VWA3A: variants seen among roughly 807,000 people sequenced by gnomAD.
VWA3A encodes the protein von Willebrand factor A domain-containing protein 3A.
VWA3A carries 134 observed loss-of-function variants against 160.4 expected under a neutral mutation model. The observed-to-expected ratio is 0.84, with a 90% CI of 0.73 to 0.96. The LOEUF (loss-of-function observed/expected upper bound fraction) is 0.96, where lower values mean the gene tolerates loss of function less well. Among genes scored for constraint, VWA3A ranks in the 40% least tolerant of loss-of-function variants. VWA3A has a pLI of 0.00. For synonymous variants in VWA3A, 476 were observed against 543.4 expected (o/e 0.88, Z 1.72); for missense variants, 1,310 against 1,447.9 (o/e 0.90, Z 1.55).
chr16:22,101,066 G>A (rs2045401655), intron 5 of VWA3A, among the ~76,000 whole-genome samples: 1 of 151,584 alleles, frequency 6.6e-6, no homozygotes, highest in South Asian at 2.1e-4. Flanking sequence ...TAGAAAGGTT[G>A]GACCAGATCA....
In VWA3A at chr16:22,156,058, A is replaced by G. The variant is rs772842424; in HGVS notation, c.*41A>G. The G allele has an allele frequency of 7.7e-5, 69 of 897,946 alleles. 1 individual carries two copies. Among genetic ancestry groups the G allele is most frequent in the Non-Finnish European group, 1.1e-4 (68 of 592,308 alleles). The allele number at this position is 897,946 out of a possible 1,614,324, so 55.6% of individuals were successfully genotyped here. On this transcript the variant is annotated 3_prime_UTR_variant, in exon 34 of 34. Coordinates refer to ENST00000389398, the MANE Select transcript of VWA3A (RefSeq NM_173615.5). ...AAAGTCATCCTGCAAAGGACCACTC[A>G]CTGAGCAAATCTCAGCCCCGAGGGC...
At position 22,155,925 on chromosome 16, in the gene VWA3A, A is replaced by AG; in HGVS notation, c.*14+13dup. The stretch of plus-strand genomic sequence containing the variant: ...TAGAGAAGTGTTCTCAGGTAAGGGG[A>AG]GGGGCTAGACCCCATACTACCTGAG... On this transcript the variant is annotated intron_variant, in intron 33 of 33. Coordinates refer to ENST00000389398, the MANE Select transcript of VWA3A (RefSeq NM_173615.5). 1 of 1,613,628 alleles carries AG rather than the reference A, an allele frequency of 6.2e-7. No homozygotes were observed. Among genetic ancestry groups the AG allele is most frequent in the Non-Finnish European group, 8.5e-7 (1 of 1,179,670 alleles).
Position 22,109,468 on chromosome 16 carries a change from C to T in VWA3A, c.484-14C>T, listed in dbSNP as rs1439690540. On this transcript the variant is annotated splice_polypyrimidine_tract_variant and intron_variant, in intron 6 of 33. Coordinates refer to ENST00000389398, the MANE Select transcript of VWA3A (RefSeq NM_173615.5). ...CTTGCACTGGCTGTTTCCAAATGCC[C>T]TCTTTGGTTTTAGGCATTTGGCCTC... is the stretch of plus-strand genomic sequence containing the variant. 8.3e-6 allele frequency: 13 copies of T among 1,575,284 alleles called. No homozygotes were observed. Among genetic ancestry groups the T allele is most frequent in the Admixed American group, 1.9e-5 (1 of 54,024 alleles).
chr16:22,116,676 C>T (rs1687989047), intron 9 of VWA3A, 83 bp from the exon 10 acceptor site: 1 of 1,100,988 alleles, frequency 9.1e-7, no homozygotes, highest in South Asian at 1.3e-5. Flanking sequence ...GGTAGATGTT[C>T]CTTGGGAATT....
intron 26 of VWA3A, 130 bp downstream of exon 26, chr16:22,144,514 C>G (rs184675082): frequency 1.5e-6 from 2 of 1,322,134 alleles, no homozygotes; most frequent in African/African-American, 3.0e-5. Flanking sequence ...AAGTGGGACT[C>G]CCCTCACCAA....
In VWA3A at chr16:22,100,272, C is replaced by G; in HGVS notation, c.304C>G (p.Gln102Glu). The stretch of plus-strand genomic sequence containing the variant: ...GCTTTCGGCTCACAGTTTAAAATGT[C>G]AGAAACTCACCTTGGCTGACCTGAT... ...DWLSAHSLKC[Q>E]KLTLADLISQ... Residue 102 changes from glutamine to glutamate, a missense_variant, in exon 4 of 34, where the codon CAG becomes GAG. Coordinates refer to ENST00000389398, the MANE Select transcript of VWA3A (RefSeq NM_173615.5). The G allele has an allele frequency of 6.4e-7, 1 of 1,551,376 alleles. No homozygotes were observed. Among genetic ancestry groups the G allele is most frequent in the East Asian group, 2.4e-5 (1 of 40,894 alleles).
chr16:22,109,448 A>G, intron 6 of VWA3A, 34 bp from the exon 7 acceptor site: 1 of 1,532,250 alleles, frequency 6.5e-7, no homozygotes, highest in Non-Finnish European at 8.9e-7. Flanking sequence ...ACAGACTTGC[A>G]CTGGCTGTTT....
At chr16:22,102,407 C>T (rs777681994) in intron 5 of VWA3A, among the ~76,000 whole-genome samples, 4 of 152,060 alleles carry the variant, frequency 2.6e-5, no homozygotes, top group Non-Finnish European at 5.9e-5. Context: ...CTATTCATAA[C>T]TCATGTATCC....
intron 8 of VWA3A, among the ~76,000 whole-genome samples, chr16:22,112,152 G>A (rs1406781994): frequency 6.6e-6 from 1 of 152,054 alleles, no homozygotes; most frequent in African/African-American, 2.4e-5. Context: ...TTCTAGCCTG[G>A]GGTTTTTTTG....
In VWA3A at chr16:22,092,553, G is replaced by A; in HGVS notation, c.-85G>A. The A allele has an allele frequency of 6.6e-7, 1 of 1,525,232 alleles. No individual in the cohort carries two copies. Among genetic ancestry groups the A allele is most frequent in the Non-Finnish European group, 8.9e-7 (1 of 1,128,282 alleles). 94.5% of individuals were successfully genotyped at this position (1,525,232 alleles called of 1,614,324 possible). ...AAGCTTCGCTGCTGAGTTGCTTGGA[G>A]GAGCTTGGAGAAACCAGAAGTGAGA... On this transcript the variant is annotated 5_prime_UTR_variant, in exon 1 of 34. Transcript: ENST00000389398.
chr16:22,092,609 G>A lies in VWA3A; in HGVS notation c.-29G>A, dbSNP rs937746551. The A allele has an allele frequency of 1.3e-6, 2 of 1,550,118 alleles. No individual in the cohort carries two copies. The highest frequency in any genetic ancestry group is 2.7e-5 in the African/African-American group (2 of 73,008). Reference sequence around the variant, plus strand: ...GAGAAGTAAGGCCCTGGAGTGCCAGGAGCCCTTCTCCCAAAGATGGAGAAA... The same window carrying A: ...GAGAAGTAAGGCCCTGGAGTGCCAGAAGCCCTTCTCCCAAAGATGGAGAAA... On this transcript the variant is annotated 5_prime_UTR_variant, in exon 1 of 34. Coordinates refer to ENST00000389398, the MANE Select transcript of VWA3A (RefSeq NM_173615.5).
At chr16:22,115,889 G>A (rs1193853125) in intron 9 of VWA3A, among the ~76,000 whole-genome samples, 1 of 33,142 alleles carries the variant, frequency 3.0e-5, no homozygotes, top group Non-Finnish European at 4.4e-5. Context: ...AAGGAAGGAA[G>A]GAAGGAAGGA....
intron 22 of VWA3A, among the ~76,000 whole-genome samples, chr16:22,138,931 G>T (rs1486249391): frequency 6.6e-6 from 1 of 152,072 alleles, no homozygotes; most frequent in South Asian, 2.1e-4. Context: ...GGCTGAGCCT[G>T]CTAGGGGCTT....
chr16:22,119,108 A>AG (rs2045692481), intron 12 of VWA3A, 81 bp downstream of exon 12: 1 of 1,285,472 alleles, frequency 7.8e-7, no homozygotes, highest in South Asian at 1.4e-5. Context: ...ACCTGTTCAT[A>AG]GGGGGCACAG....
chr16:22,148,834 C>T (rs368821700), intron 28 of VWA3A, among the ~76,000 whole-genome samples: 1 of 152,260 alleles, frequency 6.6e-6, no homozygotes, highest in South Asian at 2.1e-4. Flanking sequence ...GCAAGCACAG[C>T]AAAGGAACTA....
intron 23 of VWA3A, among the ~76,000 whole-genome samples, chr16:22,140,468 G>A (rs960376482): frequency 2.0e-5 from 3 of 152,106 alleles, no homozygotes; most frequent in African/African-American, 7.2e-5. Context: ...AGCCAGATGT[G>A]GTGGTGCATG....
chr16:22,105,417 G>A (rs2141852622), intron 6 of VWA3A, among the ~76,000 whole-genome samples: 1 of 152,290 alleles, frequency 6.6e-6, no homozygotes, highest in South Asian at 2.1e-4. Flanking sequence ...GCTGGTCCCT[G>A]TTCCTGTTCT....
At chr16:22,146,500 T>G (rs567066154) in intron 27 of VWA3A, among the ~76,000 whole-genome samples, 156 bp downstream of exon 27, 2 of 152,080 alleles carry the variant, frequency 1.3e-5, no homozygotes, top group African/African-American at 4.8e-5. Flanking sequence ...AACATGACAC[T>G]GGGAGGCCGG....
chr16:22,137,906 C>T (rs1171546335), intron 21 of VWA3A, among the ~76,000 whole-genome samples: 1 of 152,202 alleles, frequency 6.6e-6, no homozygotes, highest in East Asian at 1.9e-4. Context: ...GGGATGCAAA[C>T]AGCCAGGATC....
Sources: gnomAD v4.1 joint callset for allele counts (sites outside exome capture counted in the v4.1 genomes callset) on GRCh38, gnomAD v4.1.1 for gene constraint, MANE v1.5 for transcripts, NCBI Gene and HGNC (gene_info 2026-07-23, HGNC 2026-07-21) for gene names.